The following SEMA5B variants were observed in gnomAD, a reference collection of about 807,000 sequenced individuals.
The protein encoded by SEMA5B is semaphorin 5B, also known as semaphorin-5B.
A neutral mutation model predicts 135.0 loss-of-function variants in SEMA5B; 66 were observed. The ratio of observed to expected loss-of-function variants is 0.49; its 90% CI spans 0.40 to 0.60. The LOEUF is 0.60. SEMA5B is among the 20% of genes least tolerant of loss of function. The pLI, the probability that SEMA5B is intolerant of heterozygous loss-of-function variation, is 0.00. For synonymous variants in SEMA5B, 690 were observed against 639.5 expected, an observed-to-expected ratio of 1.08 and a Z score of -1.19; for missense variants, 1,501 against 1,566.3, an observed-to-expected ratio of 0.96 and a Z score of 0.70.
At chr3:123,022,693 C>T (rs371206212) in intron 1 of SEMA5B, among the ~76,000 whole-genome samples, 1 of 152,202 alleles carries the variant, frequency 6.6e-6, no homozygotes, top group Non-Finnish European at 1.5e-5. Context: ...CACTTTGAAG[C>T]CACCAAGTCG....
At chr3:122,951,106 C>T (rs139992642) in intron 2 of SEMA5B, among the ~76,000 whole-genome samples, 1 of 152,204 alleles carries the variant, frequency 6.6e-6, no homozygotes, top group Non-Finnish European at 1.5e-5. Flanking sequence ...GCTAGAGGGG[C>T]ATGCTCTGTT....
chr3:123,022,217 C>A (rs935762071), intron 1 of SEMA5B, among the ~76,000 whole-genome samples: 2 of 152,200 alleles, frequency 1.3e-5, no homozygotes, highest in African/African-American at 4.8e-5. Flanking sequence ...CACTCTGTAA[C>A]TGAAACCTGT....
In SEMA5B at chr3:122,923,416, G is replaced by T. The variant is rs7651952; in HGVS notation, c.1272+201C>A. Among the ~76,000 whole-genome samples, 16,621 of 152,114 alleles carry T rather than the reference G, an allele frequency of 0.11. 1,033 individuals carry two copies. Among genetic ancestry groups the T allele is most frequent in the African/African-American group, 0.17 (7,228 of 41,456 alleles). On this transcript the variant is annotated intron_variant, in intron 10 of 22. Transcript: ENST00000357599. ...GAGATGGCTCGGAGCATGCTTCCTC[G>T]CACTGCCCCTCACCCACTCTCCCTC...
chr3:123,003,763 G>T (rs1229341072), intron 1 of SEMA5B, among the ~76,000 whole-genome samples: 4 of 152,192 alleles, frequency 2.6e-5, no homozygotes, highest in Non-Finnish European at 4.4e-5. Context: ...GAACCTTGGA[G>T]GCGGAGATTG....
At chr3:122,997,264 T>C (rs1942044258) in intron 1 of SEMA5B, among the ~76,000 whole-genome samples, 1 of 152,076 alleles carries the variant, frequency 6.6e-6, no homozygotes, top group Admixed American at 6.6e-5. Flanking sequence ...AACACCTGTG[T>C]TCTGCTCTCT....
rs116511162 is a variant in SEMA5B, at chr3:122,948,861, C to A, written c.125-152G>T. Reference sequence around the variant, plus strand: ...AGAGTTTGCTCTGCTCTAGTAAATGCGAAGATATAGATCACTCCCTGAAAG... The same window carrying A: ...AGAGTTTGCTCTGCTCTAGTAAATGAGAAGATATAGATCACTCCCTGAAAG... On this transcript the variant is annotated intron_variant, in intron 2 of 22. Coordinates refer to ENST00000357599, the MANE Select transcript of SEMA5B (RefSeq NM_001031702.4). The A allele has an allele frequency of 3.2e-3, 1,965 of 619,280 alleles. 33 individuals carry two copies. In the African/African-American group the frequency reaches 0.033, roughly 11 times the overall value. 38.4% of individuals were successfully genotyped at this position (619,280 alleles called of 1,614,324 possible).
chr3:123,028,146 C>G (rs1209270422), upstream of SEMA5B, among the ~76,000 whole-genome samples: 1 of 152,172 alleles, frequency 6.6e-6, no homozygotes, highest in Non-Finnish European at 1.5e-5. Flanking sequence ...CGCGGCCTGC[C>G]CACCCCAACA....
intron 1 of SEMA5B, among the ~76,000 whole-genome samples, chr3:123,014,366 C>T (rs191930539): frequency 5.9e-5 from 9 of 152,360 alleles, no homozygotes; most frequent in Non-Finnish European, 1.2e-4. Context: ...GCATCTCCTC[C>T]ACTGACAGGA....
At chr3:122,983,446 C>T (rs1330290599) in intron 1 of SEMA5B, among the ~76,000 whole-genome samples, 1 of 151,510 alleles carries the variant, frequency 6.6e-6, no homozygotes, top group East Asian at 1.9e-4. Flanking sequence ...AAATCATCCG[C>T]GGGGCGGGGA....
chr3:122,911,335 G>A, intron 21 of SEMA5B, 156 bp downstream of exon 21: 2 of 1,535,616 alleles, frequency 1.3e-6, no homozygotes, highest in Non-Finnish European at 1.7e-6. Flanking sequence ...GGCATGGAGG[G>A]AACTGCCCAG....
intron 1 of SEMA5B, among the ~76,000 whole-genome samples, chr3:122,978,441 C>T (rs1314971512): frequency 6.6e-6 from 1 of 152,212 alleles, no homozygotes; most frequent in African/African-American, 2.4e-5. Flanking sequence ...GGAAGAAAAT[C>T]AACCCTGGGC....
rs1198569508 is a variant in SEMA5B, at chr3:122,913,858, C to T, written c.2132G>A (p.Arg711Gln). 1 of 1,600,658 alleles carries T rather than the reference C, an allele frequency of 6.2e-7. No individual in the cohort carries two copies. The highest frequency in any genetic ancestry group is 8.5e-7 in the Non-Finnish European group (1 of 1,172,796). ...RICVGKSREE[R>Q]FCNENTPCPV... ...TCAGAGCAAGCCTGTTCTCCCTCACCGTTCCTCCCGGCTCTTGCCCACGCA... is the reference window on the plus strand; with the variant it reads ...TCAGAGCAAGCCTGTTCTCCCTCACTGTTCCTCCCGGCTCTTGCCCACGCA... The change falls in exon 15 of 23, where the codon CGG (arginine) becomes CAG (glutamine). Residue 711 changes from arginine (R) to glutamine (Q), a missense_variant and splice_region_variant. Arg to Gln is a conservative substitution (Grantham distance 43). This residue lies in a region of SEMA5B where 927 missense variants were observed against 881.6 expected (regional missense o/e 1.05). Coordinates refer to ENST00000357599, the MANE Select transcript of SEMA5B (RefSeq NM_001031702.4).
intron 1 of SEMA5B, among the ~76,000 whole-genome samples, chr3:122,982,524 C>T (rs1941550352): frequency 6.6e-6 from 1 of 152,204 alleles, no homozygotes; most frequent in Non-Finnish European, 1.5e-5. Context: ...CGCTCCCGCC[C>T]ATTACGGGGA....
chr3:123,010,259 T>C (rs1163358619), intron 1 of SEMA5B, among the ~76,000 whole-genome samples: 2 of 152,166 alleles, frequency 1.3e-5, no homozygotes, highest in East Asian at 3.9e-4. Context: ...GAATTTGGAA[T>C]TGGAAGACAA....
chr3:122,911,888 G>A, intron 20 of SEMA5B, 32 bp downstream of exon 20: 1 of 1,570,558 alleles, frequency 6.4e-7, no homozygotes, highest in African/African-American at 1.3e-5. Flanking sequence ...GCTGGGAAGG[G>A]TTGCTGCGCA....
intron 12 of SEMA5B, among the ~76,000 whole-genome samples, chr3:122,919,415 A>G: frequency 6.6e-6 from 1 of 152,260 alleles, no homozygotes; most frequent in East Asian, 1.9e-4. Flanking sequence ...TGGCCAGGCC[A>G]GGTCTTGGAG....
At chr3:122,928,094 A>T in intron 7 of SEMA5B, 91 bp from the exon 8 acceptor site, 1 of 906,174 alleles carries the variant, frequency 1.1e-6, no homozygotes, top group Non-Finnish European at 1.6e-6. Context: ...CCTGTGCCCC[A>T]GTCTCTCTGG....
chr3:122,999,082 G>A (rs541395394), intron 1 of SEMA5B, among the ~76,000 whole-genome samples: 5 of 152,230 alleles, frequency 3.3e-5, no homozygotes, highest in South Asian at 4.2e-4. Context: ...GTTCCAGCCC[G>A]GAGGCCCTCC....
intron 1 of SEMA5B, among the ~76,000 whole-genome samples, chr3:122,970,343 T>C (rs1355701010): frequency 6.6e-6 from 1 of 152,230 alleles, no homozygotes; most frequent in South Asian, 2.1e-4. Flanking sequence ...CACACTAATG[T>C]GCATCAGAAT....
Sources: allele counts gnomAD v4.1 joint callset (sites outside exome capture counted in the v4.1 genomes callset), GRCh38; gene constraint gnomAD v4.1.1; regional missense constraint gnomAD v4.1.1; transcripts MANE v1.5; gene names NCBI Gene and HGNC (gene_info 2026-07-23, HGNC 2026-07-21).